Variants in LMO1 observed in about 807,000 individuals in gnomAD.
LMO1 encodes LIM domain only 1.
A neutral mutation model predicts 18.0 loss-of-function variants in LMO1; 10 were observed. That is an observed-to-expected ratio of 0.55 (90% CI 0.34 to 0.94). LMO1 has a LOEUF of 0.94. Ranked by LOEUF, LMO1 falls within the 40% of genes least tolerant of loss-of-function variation. The probability of loss-of-function intolerance (pLI) is 0.02; values close to 1 mark genes in which losing one functional copy is unlikely to be tolerated. For synonymous variants in LMO1, 77 were observed against 77.9 expected, an observed-to-expected ratio of 0.99 and a Z score of 0.06; for missense variants, 183 against 205.7, an observed-to-expected ratio of 0.89 and a Z score of 0.68.
chr11:8,268,403 C>G (rs1847282750), upstream of LMO1: 1 of 1,466,794 alleles, frequency 6.8e-7, no homozygotes, highest in Non-Finnish European at 9.0e-7. Flanking sequence ...CCCCGGGCAC[C>G]GGCACCGGGC....
chr11:8,263,540 G>T lies in LMO1; in HGVS notation c.-178C>A. 1.6e-5 allele frequency: 22 copies of T among 1,368,478 alleles called. No homozygotes were observed. Among genetic ancestry groups the T allele is most frequent in the Non-Finnish European group, 5.6e-6 (6 of 1,062,754 alleles). The allele number at this position is 1,368,478 out of a possible 1,614,324, so 84.8% of individuals were successfully genotyped here. ...ATTACATTCAGGAGTGAAGCACTTC[G>T]CAGATACAAAAGCAGTCTCACCTAC... On this transcript the variant is annotated 5_prime_UTR_variant, in exon 1 of 4. Coordinates refer to ENST00000335790, the MANE Select transcript of LMO1 (RefSeq NM_002315.3).
chr11:8,243,940 G>A (rs1426394501), intron 1 of LMO1, among the ~76,000 whole-genome samples: 1 of 152,208 alleles, frequency 6.6e-6, no homozygotes, highest in East Asian at 1.9e-4. Flanking sequence ...CCCCATCTCT[G>A]GGTGGGGAAG....
At chr11:8,258,355 C>A (rs1343326639) in intron 1 of LMO1, among the ~76,000 whole-genome samples, 1 of 152,174 alleles carries the variant, frequency 6.6e-6, no homozygotes. Context: ...GCTCTAGACC[C>A]CAACGTGGCT....
chr11:8,232,273 A>C (rs573940094), intron 1 of LMO1, among the ~76,000 whole-genome samples: 1 of 152,076 alleles, frequency 6.6e-6, no homozygotes, highest in South Asian at 2.1e-4. Context: ...TGAGAGAGGG[A>C]TGGGGCACAG....
Position 8,255,926 on chromosome 11 carries a change from C to T in LMO1, c.25+7412G>A, listed in dbSNP as rs1040406466. Among the ~76,000 whole-genome samples, 34 of 142,742 alleles carry T rather than the reference C, an allele frequency of 2.4e-4. No individual in the cohort carries two copies. The East Asian group carries it at 4.7e-3, about 20-fold the overall frequency. 93.6% of individuals were successfully genotyped at this position (142,742 alleles called of 152,430 possible). On this transcript the variant is annotated intron_variant, in intron 1 of 3. Transcript: ENST00000335790. ...CTGCAAGCTCCACCTCCTGGGTTCA[C>T]GCCATTCTCCTGCCTCAGCCTCCTG...
chr11:8,224,559 A>AGGCAGGTG lies in LMO1; in HGVS notation c.*49_*56dup. 9.0e-7 allele frequency: 1 copy of AGGCAGGTG among 1,107,510 alleles called. No individual in the cohort carries two copies. The allele number at this position is 1,107,510 out of a possible 1,614,324, so 68.6% of individuals were successfully genotyped here. ...TGGTAGAGTGGCTGGCTGGCCGGCC[A>AGGCAGGTG]GGCAGGTGGGCAGGCGGGCAGATGG... On this transcript the variant is annotated 3_prime_UTR_variant, in exon 4 of 4. Coordinates refer to ENST00000335790, the MANE Select transcript of LMO1 (RefSeq NM_002315.3).
intron 1 of LMO1, among the ~76,000 whole-genome samples, chr11:8,238,259 T>C (rs1207573791): frequency 2.6e-5 from 4 of 152,210 alleles, no homozygotes; most frequent in African/African-American, 4.8e-5. Context: ...ATATACTACC[T>C]GGATGAATCA....
intron 2 of LMO1, 110 bp downstream of exon 2, chr11:8,230,181 G>A (rs1034175766): frequency 1.6e-5 from 15 of 920,164 alleles, no homozygotes; most frequent in Non-Finnish European, 2.4e-5. Context: ...AGAATGAGAG[G>A]ACACACAGGG....
chr11:8,229,409 A>T (rs1440819868), intron 2 of LMO1, among the ~76,000 whole-genome samples: 1 of 152,154 alleles, frequency 6.6e-6, no homozygotes, highest in African/African-American at 2.4e-5. Flanking sequence ...AGCCCCATGA[A>T]GCCCTTGCCC....
intron 1 of LMO1, among the ~76,000 whole-genome samples, chr11:8,234,413 C>G (rs2134536489): frequency 6.6e-6 from 1 of 152,246 alleles, no homozygotes; most frequent in African/African-American, 2.4e-5. Flanking sequence ...AGGCCAGACC[C>G]AAGTCCCCAG....
upstream of LMO1, among the ~76,000 whole-genome samples, chr11:8,265,618 C>T (rs930145372): frequency 5.3e-5 from 8 of 152,170 alleles, no homozygotes; most frequent in Admixed American, 2.0e-4. Context: ...CTCAGGACTG[C>T]GAGCTTGATC....
At chr11:8,256,564 C>G (rs1015559704) in intron 1 of LMO1, among the ~76,000 whole-genome samples, 3 of 152,232 alleles carry the variant, frequency 2.0e-5, no homozygotes, top group Non-Finnish European at 2.9e-5. Flanking sequence ...CTCACACCAC[C>G]TGCTTTTAAT....
chr11:8,231,374 C>G (rs1351227427), intron 1 of LMO1, among the ~76,000 whole-genome samples: 1 of 152,248 alleles, frequency 6.6e-6, no homozygotes, highest in Non-Finnish European at 1.5e-5. Flanking sequence ...ACCCCTCACA[C>G]ACAGGCACGA....
In LMO1 at chr11:8,224,739, G is replaced by A; in HGVS notation, c.366-18C>T. 6.5e-7 allele frequency: 1 copy of A among 1,543,746 alleles called. No homozygotes were observed. Among genetic ancestry groups the A allele is most frequent in the Non-Finnish European group, 8.8e-7 (1 of 1,130,876 alleles). ...CACAAAATCTAGAAAATCCAAGCGA[G>A]AGAGAGAAGCCATGGGAAGGTCCCA... On this transcript the variant is annotated intron_variant, in intron 3 of 3. Coordinates refer to ENST00000335790, the MANE Select transcript of LMO1 (RefSeq NM_002315.3).
intron 1 of LMO1, among the ~76,000 whole-genome samples, chr11:8,252,433 C>T (rs1002753895): frequency 6.6e-6 from 1 of 152,226 alleles, no homozygotes; most frequent in Non-Finnish European, 1.5e-5. Context: ...TAAGATGGTC[C>T]CCAGTGATCC....
chr11:8,258,707 A>G (rs1847138117), intron 1 of LMO1, among the ~76,000 whole-genome samples: 1 of 152,208 alleles, frequency 6.6e-6, no homozygotes, highest in East Asian at 1.9e-4. Flanking sequence ...GTAAGGAATC[A>G]ATTACTCGGG....
upstream of LMO1, among the ~76,000 whole-genome samples, chr11:8,266,490 T>A (rs1214561454): frequency 1.3e-5 from 2 of 151,936 alleles, no homozygotes; most frequent in East Asian, 3.9e-4. Flanking sequence ...ATTCCACAGG[T>A]GATGAGCATG....
chr11:8,233,099 C>T (rs1952698939), intron 1 of LMO1, among the ~76,000 whole-genome samples: 1 of 152,216 alleles, frequency 6.6e-6, no homozygotes, highest in African/African-American at 2.4e-5. Context: ...TACCTTAAGA[C>T]CTGGACACCC....
upstream of LMO1, among the ~76,000 whole-genome samples, chr11:8,264,922 C>T (rs752553873): frequency 2.8e-4 from 42 of 152,242 alleles, no homozygotes; most frequent in Non-Finnish European, 4.9e-4. Flanking sequence ...TGAGCTGCTG[C>T]GCCTGGCCGG....
Sources: allele counts gnomAD v4.1 joint callset (sites outside exome capture counted in the v4.1 genomes callset), GRCh38; gene constraint gnomAD v4.1.1; transcripts MANE v1.5; gene names NCBI Gene and HGNC (gene_info 2026-07-23, HGNC 2026-07-21).